The following SBK1 variants were observed in gnomAD, a reference collection of about 807,000 sequenced individuals.
SBK1 encodes SH3 domain binding kinase 1, also known as serine/threonine-protein kinase SBK1.
A neutral mutation model predicts 24.4 loss-of-function variants in SBK1; 11 were observed. That is an observed-to-expected ratio of 0.45 (90% CI 0.28 to 0.75). The LOEUF (loss-of-function observed/expected upper bound fraction) is 0.75, where lower values mean the gene tolerates loss of function less well. Among genes scored for constraint, SBK1 ranks in the 30% least tolerant of loss-of-function variants. The probability of loss-of-function intolerance (pLI) is 0.12; values close to 1 mark genes in which losing one functional copy is unlikely to be tolerated. For synonymous variants in SBK1, 308 were observed against 284.4 expected, an observed-to-expected ratio of 1.08 and a Z score of -0.83; for missense variants, 467 against 620.5, an observed-to-expected ratio of 0.75 and a Z score of 2.63.
In SBK1 at chr16:28,320,413, C is replaced by T. The variant is rs1238891242; in HGVS notation, c.767C>T (p.Ala256Val). The T allele has an allele frequency of 1.3e-6, 2 of 1,589,458 alleles. No homozygotes were observed. The highest frequency in any genetic ancestry group is 8.5e-7 in the Non-Finnish European group (1 of 1,174,438). ...ACCGGCAACTTCCCGTGGGAGGCGG[C>T]GTCGGGCGCCGACGCCTTCTTCGAG... ...VLTGNFPWEA[A>V]SGADAFFEEF... is the part of the protein sequence containing the mutation. Residue 256 changes from alanine to valine, a missense_variant, in exon 4 of 4, where the codon GCG (alanine) becomes GTG (valine). Ala to Val is a moderately conservative substitution (Grantham distance 64). Transcript: ENST00000341901. The surrounding 1 kb of genome is among the most constrained non-coding windows in gnomAD (Gnocchi z 8.5).
chr16:28,302,961 T>TGGGG (rs57035524), intron 1 of SBK1, among the ~76,000 whole-genome samples: 1 of 146,252 alleles, frequency 6.8e-6, no homozygotes, highest in Non-Finnish European at 1.5e-5. Flanking sequence ...GAGCAGGGCA[T>TGGGG]GGGGGGGGGT....
At chr16:28,303,712 T>G (rs1304810535) in intron 1 of SBK1, among the ~76,000 whole-genome samples, 1 of 151,896 alleles carries the variant, frequency 6.6e-6, no homozygotes, top group African/African-American at 2.4e-5. Flanking sequence ...GAGATGGGAT[T>G]TCACCATGTT....
chr16:28,301,135 C>T (rs760694375), intron 1 of SBK1, among the ~76,000 whole-genome samples: 6 of 152,206 alleles, frequency 3.9e-5, no homozygotes, highest in Non-Finnish European at 8.8e-5. Flanking sequence ...CCTGTTGATA[C>T]CCCTGAGTGC....
intron 1 of SBK1, among the ~76,000 whole-genome samples, chr16:28,316,237 G>A (rs1409694245): frequency 6.6e-6 from 1 of 152,134 alleles, no homozygotes; most frequent in Non-Finnish European, 1.5e-5. Context: ...CTGAGACCAC[G>A]TGGCCAAGGT....
chr16:28,309,248 G>A (rs971048686), intron 1 of SBK1, among the ~76,000 whole-genome samples: 1 of 152,188 alleles, frequency 6.6e-6, no homozygotes, highest in Non-Finnish European at 1.5e-5. Flanking sequence ...TGAAGCCCCA[G>A]GCTGACAGCG....
At chr16:28,311,150 G>C (rs1458687764) in intron 1 of SBK1, among the ~76,000 whole-genome samples, 1 of 152,206 alleles carries the variant, frequency 6.6e-6, no homozygotes, top group Non-Finnish European at 1.5e-5. Flanking sequence ...ACCAGGAAAG[G>C]GATGCAGGAG....
At chr16:28,303,840 A>G (rs1357226094) in intron 1 of SBK1, among the ~76,000 whole-genome samples, 1 of 152,110 alleles carries the variant, frequency 6.6e-6, no homozygotes, top group Non-Finnish European at 1.5e-5. Flanking sequence ...GCAAGGTAGC[A>G]TATTAACTAC....
chr16:28,320,384 G>T lies in SBK1; in HGVS notation c.738G>T (p.Val246=). Residue 246 remains valine, a synonymous_variant, in exon 4 of 4, where the codon GTG becomes GTT. Coordinates refer to ENST00000341901, the MANE Select transcript of SBK1 (RefSeq NM_001024401.3). This position sits in a 1 kb window ranked among gnomAD's most constrained non-coding sequence, Gnocchi z 8.5. ...VWAFGVLIFC[V]LTGNFPWEAA... ...CCTTCGGCGTGCTCATCTTCTGCGT[G>T]CTCACCGGCAACTTCCCGTGGGAGG... 6.3e-7 allele frequency: 1 copy of T among 1,592,394 alleles called. No homozygotes were observed. Among genetic ancestry groups the T allele is most frequent in the South Asian group, 1.1e-5 (1 of 90,866 alleles).
intron 1 of SBK1, among the ~76,000 whole-genome samples, chr16:28,264,104 A>G (rs944989093): frequency 6.6e-6 from 1 of 152,158 alleles, no homozygotes; most frequent in Admixed American, 6.5e-5. Context: ...ACTTTAGCCT[A>G]GGTGACACAG....
intron 1 of SBK1, among the ~76,000 whole-genome samples, chr16:28,315,315 A>T (rs2044787338): frequency 2.6e-5 from 4 of 152,220 alleles, no homozygotes. Flanking sequence ...GGATGTATAC[A>T]TATGTCAGAA....
chr16:28,285,179 T>A (rs1567673301), intron 1 of SBK1: 1 of 152,272 alleles, frequency 6.6e-6, no homozygotes, highest in Non-Finnish European at 1.5e-5. Flanking sequence ...CCTCAAGTGA[T>A]TCTCCCTCCT....
intron 2 of SBK1, 84 bp from the exon 3 acceptor site, chr16:28,318,911 A>C (rs62031384): frequency 0.012 from 11,945 of 974,484 alleles, 168 homozygotes; most frequent in African/African-American, 0.045. Flanking sequence ...CTGTTGCACC[A>C]GGGTCCAGAG....
At chr16:28,302,964 G>GGA (rs1038974188) in intron 1 of SBK1, among the ~76,000 whole-genome samples, 1 of 123,710 alleles carries the variant, frequency 8.1e-6, no homozygotes, top group Non-Finnish European at 1.6e-5. Flanking sequence ...CAGGGCATGG[G>GGA]GGGGGGTCAG....
At position 28,298,256 on chromosome 16, in the gene SBK1, G is replaced by C. The variant is rs148401701; in HGVS notation, c.-8+4956G>C. 3.6e-4 allele frequency among the ~76,000 whole-genome samples: 55 copies of C among 152,368 alleles called. No homozygotes were observed. The East Asian group carries it at 9.6e-3, about 27-fold the overall frequency. ...CATACCTGGAGAGAGGACAGGTCCA[G>C]CTCAGCCCCACCTTGGGAAACCACG... is the stretch of plus-strand genomic sequence containing the variant. On this transcript the variant is annotated intron_variant, in intron 1 of 3. Coordinates refer to ENST00000341901, the MANE Select transcript of SBK1 (RefSeq NM_001024401.3).
Position 28,320,722 on chromosome 16 carries a change from G to C in SBK1, c.1076G>C (p.Ser359Thr). 2.6e-6 allele frequency: 3 copies of C among 1,152,568 alleles called. No individual in the cohort carries two copies. The highest frequency in any genetic ancestry group is 3.2e-6 in the Non-Finnish European group (3 of 933,446). 71.4% of individuals were successfully genotyped at this position (1,152,568 alleles called of 1,614,324 possible). A position where few individuals can be genotyped will look rare whatever the true frequency, so the allele number is the denominator to read the frequency against. The change falls in exon 4 of 4, where the codon AGC becomes ACC. Residue 359 changes from serine to threonine, a missense_variant. Around this residue, in one of 4 missense-constraint regions of SBK1, gnomAD observed 166 missense variants for 146.8 expected, o/e 1.13. Transcript: ENST00000341901. This position sits in a 1 kb window ranked among gnomAD's most constrained non-coding sequence, Gnocchi z 8.5. ...GPLKRTVLTE[S>T]GSGSRPAPPA... ...CTCAAGCGGACGGTGCTGACCGAGA[G>C]CGGCAGCGGCTCCCGGCCCGCGCCC...
At chr16:28,313,787 C>A (rs1465351538) in intron 1 of SBK1, among the ~76,000 whole-genome samples, 2 of 151,936 alleles carry the variant, frequency 1.3e-5, no homozygotes, top group African/African-American at 2.4e-5. Context: ...CCAGGAAGTT[C>A]TCTCCTGATG....
intron 1 of SBK1, among the ~76,000 whole-genome samples, chr16:28,263,256 CTCTCATGGGGTTTATA>C (rs2044408226): frequency 6.6e-6 from 1 of 152,208 alleles, no homozygotes. Context: ...ACCATCCCTG[CTCTCATGGGGTTTATA>C]TCTAATGAGG....
At chr16:28,314,981 A>T (rs1037375856) in intron 1 of SBK1, among the ~76,000 whole-genome samples, 1 of 152,110 alleles carries the variant, frequency 6.6e-6, no homozygotes, top group Non-Finnish European at 1.5e-5. Flanking sequence ...CTCCGTCTCA[A>T]AAAAAAGGGA....
At chr16:28,262,850 C>T (rs2044405785) in intron 1 of SBK1, among the ~76,000 whole-genome samples, 1 of 152,016 alleles carries the variant, frequency 6.6e-6, no homozygotes. Flanking sequence ...ACAGAAGAGC[C>T]TTATATTCTG....
Sources: allele counts gnomAD v4.1 joint callset (sites outside exome capture counted in the v4.1 genomes callset), GRCh38; gene constraint gnomAD v4.1.1; regional missense constraint gnomAD v4.1.1; non-coding constraint Gnocchi (gnomAD v3.1); transcripts MANE v1.5; gene names NCBI Gene and HGNC (gene_info 2026-07-23, HGNC 2026-07-21).